The following FAF1 variants were observed in gnomAD, a reference collection of about 807,000 sequenced individuals.
FAF1 encodes the protein FAS-associated factor 1.
A neutral mutation model predicts 92.5 loss-of-function variants in FAF1; 25 were observed. That is an observed-to-expected ratio of 0.27 (90% CI 0.20 to 0.38). FAF1 has a LOEUF of 0.38. FAF1 is among the 10% of genes least tolerant of loss of function. The probability of loss-of-function intolerance (pLI) is 1.00; values close to 1 mark genes in which losing one functional copy is unlikely to be tolerated. For synonymous variants in FAF1, 234 were observed against 273.2 expected, an observed-to-expected ratio of 0.86 and a Z score of 1.42; for missense variants, 636 against 793.3, an observed-to-expected ratio of 0.80 and a Z score of 2.38.
chr1:50,760,103 C>T (rs190001506), intron 4 of FAF1, among the ~76,000 whole-genome samples: 173 of 151,878 alleles, frequency 1.1e-3, no homozygotes, highest in Admixed American at 3.7e-3. Context: ...AGGTTGCATA[C>T]TGGTAAAGGG....
chr1:50,509,568 T>C (rs142032718), intron 15 of FAF1, among the ~76,000 whole-genome samples: 1 of 152,282 alleles, frequency 6.6e-6, no homozygotes, highest in Admixed American at 6.5e-5. Context: ...GCTGTGACTG[T>C]ACCACTGCAT....
intron 2 of FAF1, among the ~76,000 whole-genome samples, chr1:50,837,029 C>G (rs571039942): frequency 7.5e-6 from 1 of 133,184 alleles, no homozygotes; most frequent in Non-Finnish European, 1.5e-5. Context: ...GTGATCTCGG[C>G]TCACTGCAAG....
intron 4 of FAF1, chr1:50,781,047 G>A: frequency 2.3e-6 from 1 of 433,524 alleles, no homozygotes; most frequent in Non-Finnish European, 4.6e-6. Flanking sequence ...TGATTGAACT[G>A]TGCAAGATGG....
chr1:50,924,651 G>C (rs980513296), intron 1 of FAF1, among the ~76,000 whole-genome samples: 13 of 152,166 alleles, frequency 8.5e-5, no homozygotes, highest in African/African-American at 3.1e-4. Flanking sequence ...ATATACAGCA[G>C]AGCTATAGTA....
chr1:50,842,372 T>C (rs1644263035), intron 2 of FAF1, among the ~76,000 whole-genome samples: 2 of 152,160 alleles, frequency 1.3e-5, no homozygotes, highest in African/African-American at 4.8e-5. Context: ...TTGAGGTCTA[T>C]ATTAAGAGAA....
At chr1:50,697,328 T>C (rs886765046) in intron 7 of FAF1, among the ~76,000 whole-genome samples, 2 of 152,182 alleles carry the variant, frequency 1.3e-5, no homozygotes, top group African/African-American at 2.4e-5. Flanking sequence ...AACAGTTCTA[T>C]TGCTTTTAAA....
intron 15 of FAF1, among the ~76,000 whole-genome samples, chr1:50,514,860 C>T (rs920751128): frequency 2.6e-5 from 4 of 152,106 alleles, no homozygotes; most frequent in Non-Finnish European, 1.5e-5. Context: ...TAAGGCTAAA[C>T]CAATCCAGAG....
intron 4 of FAF1, among the ~76,000 whole-genome samples, chr1:50,772,749 T>A (rs1404819861): frequency 6.6e-6 from 1 of 152,072 alleles, no homozygotes; most frequent in Non-Finnish European, 1.5e-5. Context: ...ACCTATCAGG[T>A]ACTATGCTTA....
Position 50,539,854 on chromosome 1 carries a change from T to A in FAF1, c.1269-126A>T, listed in dbSNP as rs1648678396. 9.2e-6 allele frequency: 6 copies of A among 650,136 alleles called. No individual in the cohort carries two copies. The South Asian group carries it at 1.2e-4, about 13-fold the overall frequency. The allele number at this position is 650,136 out of a possible 1,614,324, so 40.3% of individuals were successfully genotyped here. On this transcript the variant is annotated intron_variant, in intron 13 of 18. Transcript: ENST00000396153. ...AGACAGCCTGCCTGATATCAATATGTAAAATCTTGCTATATTGAGTTTTCA... is the reference window on the plus strand; with the variant it reads ...AGACAGCCTGCCTGATATCAATATGAAAAATCTTGCTATATTGAGTTTTCA...
At chr1:50,953,787 GC>G (rs1263699320) in intron 1 of FAF1, among the ~76,000 whole-genome samples, 2 of 151,986 alleles carry the variant, frequency 1.3e-5, no homozygotes, top group African/African-American at 4.8e-5. Flanking sequence ...AATTTAGGCA[GC>G]AAAAAGTATT....
At chr1:50,899,885 C>G (rs984004215) in intron 1 of FAF1, among the ~76,000 whole-genome samples, 1 of 152,156 alleles carries the variant, frequency 6.6e-6, no homozygotes, top group Admixed American at 6.5e-5. Flanking sequence ...ACTACTAAGG[C>G]AATATCCTTC....
intron 7 of FAF1, among the ~76,000 whole-genome samples, chr1:50,687,068 A>G (rs1163804466): frequency 2.6e-5 from 4 of 152,138 alleles, no homozygotes; most frequent in Admixed American, 2.6e-4. Context: ...ACCTCAGGCC[A>G]TCCGTCCACC....
intron 15 of FAF1, among the ~76,000 whole-genome samples, chr1:50,519,328 AAAGAAAGAAAGGAAGGAATG>A (rs1557978685): frequency 7.4e-6 from 1 of 135,018 alleles, no homozygotes; most frequent in African/African-American, 3.2e-5. Flanking sequence ...GACTGTCTCG[AAAGAAAGAAAGGAAGGAATG>A]AAGGAAGGAA....
chr1:50,840,910 G>C (rs72690500), intron 2 of FAF1, among the ~76,000 whole-genome samples: 1 of 151,732 alleles, frequency 6.6e-6, no homozygotes, highest in Admixed American at 6.6e-5. Flanking sequence ...AATACCACTC[G>C]GTCAAGAAAA....
intron 6 of FAF1, among the ~76,000 whole-genome samples, chr1:50,711,594 C>T (rs529494819): frequency 4.0e-5 from 6 of 151,712 alleles, no homozygotes; most frequent in South Asian, 4.2e-4. Context: ...CTCGGCCTCC[C>T]GAGTAGCTGC....
rs576414219 is a variant in FAF1, at chr1:50,499,774, C to T, written c.1495-7973G>A. Among the ~76,000 whole-genome samples the T allele has an allele frequency of 2.2e-4, 33 of 152,072 alleles. No individual in the cohort carries two copies. The South Asian group carries it at 3.3e-3, about 15-fold the overall frequency. On this transcript the variant is annotated intron_variant, in intron 15 of 18. Transcript: ENST00000396153. ...TTCTTTCTTTTTTCTAGTCAAGTGA[C>T]GCAGTGGGAGTGGAGAAAGAACAAA...
At chr1:50,589,096 T>A (rs1343850118) in intron 9 of FAF1, among the ~76,000 whole-genome samples, 5 of 152,128 alleles carry the variant, frequency 3.3e-5, no homozygotes, top group African/African-American at 1.2e-4. Flanking sequence ...AGGGGCAAGA[T>A]CACCTACTTA....
At chr1:50,520,017 G>T (rs1043467617) in intron 15 of FAF1, among the ~76,000 whole-genome samples, 2 of 152,108 alleles carry the variant, frequency 1.3e-5, no homozygotes, top group African/African-American at 4.8e-5. Context: ...GCACAATGCG[G>T]ATATATAGCA....
chr1:50,837,101 G>GCAC (rs984117268), intron 2 of FAF1, among the ~76,000 whole-genome samples: 24 of 151,734 alleles, frequency 1.6e-4, no homozygotes, highest in South Asian at 2.1e-4. Flanking sequence ...GGGACTACAG[G>GCAC]CACCCGCCAC....
Sources: allele counts gnomAD v4.1 joint callset (sites outside exome capture counted in the v4.1 genomes callset), GRCh38; gene constraint gnomAD v4.1.1; transcripts MANE v1.5; gene names NCBI Gene and HGNC (gene_info 2026-07-23, HGNC 2026-07-21).